THSD7B: variants seen among roughly 807,000 people sequenced by gnomAD.
THSD7B encodes thrombospondin type-1 domain-containing protein 7B.
Under a neutral mutation model 213.6 loss-of-function variants are expected in THSD7B, and 138 were observed. That is an observed-to-expected ratio of 0.65 (90% CI 0.56 to 0.74). The LOEUF is 0.74. THSD7B is among the 30% of genes least tolerant of loss of function. THSD7B has a pLI of 0.00. For synonymous variants in THSD7B, 742 were observed against 687.0 expected (o/e 1.08, Z -1.25); for missense variants, 1,931 against 1,991.5 (o/e 0.97, Z 0.58).
intron 14 of THSD7B, among the ~76,000 whole-genome samples, chr2:137,443,092 G>C (rs1017516831): frequency 6.6e-5 from 10 of 152,152 alleles, no homozygotes; most frequent in African/African-American, 2.4e-4. Context: ...AGATTGTTCT[G>C]TGTCTAGTCT....
At chr2:137,149,468 G>T (rs1679770891) in intron 5 of THSD7B, among the ~76,000 whole-genome samples, 1 of 152,148 alleles carries the variant, frequency 6.6e-6, no homozygotes, top group African/African-American at 2.4e-5. Flanking sequence ...CACTACTTGG[G>T]ACCTAGTGAA....
intron 1 of THSD7B, among the ~76,000 whole-genome samples, chr2:136,864,104 G>T (rs564479304): frequency 6.6e-5 from 10 of 152,234 alleles, no homozygotes; most frequent in Non-Finnish European, 7.4e-5. Flanking sequence ...TTATTTTGCC[G>T]CAGATTATTT....
chr2:137,416,530 A>C (rs1686803644), intron 14 of THSD7B, among the ~76,000 whole-genome samples: 1 of 152,210 alleles, frequency 6.6e-6, no homozygotes, highest in South Asian at 2.1e-4. Context: ...GTTCATTGAA[A>C]TTCATGATTG....
intron 15 of THSD7B, among the ~76,000 whole-genome samples, chr2:137,537,371 G>A (rs538911465): frequency 4.0e-5 from 6 of 151,690 alleles, no homozygotes; most frequent in African/African-American, 1.4e-4. Context: ...AAAGCCAAAC[G>A]TATTCTTCTT....
chr2:137,044,921 G>A (rs1369984224), intron 2 of THSD7B, among the ~76,000 whole-genome samples: 2 of 152,162 alleles, frequency 1.3e-5, no homozygotes, highest in Non-Finnish European at 2.9e-5. Context: ...TGTTTCAGGG[G>A]ATCCCTTGTT....
chr2:137,150,495 TC>T (rs773374574), intron 5 of THSD7B, among the ~76,000 whole-genome samples: 14 of 151,780 alleles, frequency 9.2e-5, no homozygotes, highest in Admixed American at 7.2e-4. Context: ...ATAAGGGGCT[TC>T]CCCCCCTACA....
At chr2:136,803,294 T>C (rs1227054951) in intron 1 of THSD7B, among the ~76,000 whole-genome samples, 1 of 152,104 alleles carries the variant, frequency 6.6e-6, no homozygotes, top group Non-Finnish European at 1.5e-5. Flanking sequence ...AGAACCCCAA[T>C]ATAACTATTG....
intron 7 of THSD7B, among the ~76,000 whole-genome samples, chr2:137,225,428 A>G (rs1332264878): frequency 6.6e-6 from 1 of 152,228 alleles, no homozygotes; most frequent in Non-Finnish European, 1.5e-5. Flanking sequence ...ATCTAAAAGT[A>G]ATGTAAAGAG....
chr2:137,005,065 A>G (rs1420127690), intron 2 of THSD7B, among the ~76,000 whole-genome samples: 1 of 152,252 alleles, frequency 6.6e-6, no homozygotes, highest in Non-Finnish European at 1.5e-5. Context: ...ACTGCTCTGA[A>G]AATTATAATG....
intron 15 of THSD7B, among the ~76,000 whole-genome samples, chr2:137,508,919 C>T (rs1001609518): frequency 1.3e-5 from 2 of 151,994 alleles, no homozygotes. Flanking sequence ...TTTTCTGCCT[C>T]AGGGCACTCT....
chr2:137,485,408 T>C (rs1009045990), intron 15 of THSD7B, among the ~76,000 whole-genome samples: 12 of 152,182 alleles, frequency 7.9e-5, no homozygotes, highest in Non-Finnish European at 1.0e-4. Flanking sequence ...AGTAACATGC[T>C]GTTTTGGTTA....
chr2:137,554,422 A>G (rs1256633253), intron 15 of THSD7B, among the ~76,000 whole-genome samples: 2 of 152,238 alleles, frequency 1.3e-5, no homozygotes, highest in East Asian at 1.9e-4. Context: ...GGTTATGACC[A>G]GAAGCATATG....
At chr2:136,871,269 T>C (rs1479533517) in intron 1 of THSD7B, among the ~76,000 whole-genome samples, 1 of 152,048 alleles carries the variant, frequency 6.6e-6, no homozygotes, top group Non-Finnish European at 1.5e-5. Flanking sequence ...GGGGAATAGA[T>C]ACAGAGAAGT....
In THSD7B at chr2:137,206,781, C is replaced by T. The variant is rs80039591; in HGVS notation, c.1724-24263C>T. Among the ~76,000 whole-genome samples, 544 of 152,068 alleles carry T rather than the reference C, an allele frequency of 3.6e-3. 4 individuals are homozygous for T. The highest frequency in any genetic ancestry group is 0.012 in the African/African-American group (509 of 41,512). ...GTATTAGAGAGTCACTATTCACAGA[C>T]GCATCGTTTGCTGAAGCCCAGTACT... On this transcript the variant is annotated intron_variant, in intron 7 of 27. Transcript: ENST00000409968.
rs57887270 is a variant in THSD7B at position 136,906,936 on chromosome 2, G to GTTTTTTTTTTTTT, written c.139+24636_139+24648dup. ...ATTCATAGATTCCTTACATTTCAAG[G>GTTTTTTTTTTTTT]TTTTTTTTTTTTTTTTTTTTTTTTT... On this transcript the variant is annotated intron_variant, in intron 2 of 27. Transcript: ENST00000409968. Among the ~76,000 whole-genome samples the GTTTTTTTTTTTTT allele has an allele frequency of 1.6e-4, 9 of 55,096 alleles. 1 individual carries two copies. The highest frequency in any genetic ancestry group is 7.1e-4 in the African/African-American group (8 of 11,268). 36.1% of individuals were successfully genotyped at this position (55,096 alleles called of 152,430 possible).
chr2:137,513,673 CTTAT>C (rs1409301488), intron 15 of THSD7B, among the ~76,000 whole-genome samples: 1 of 152,002 alleles, frequency 6.6e-6, no homozygotes, highest in East Asian at 1.9e-4. Context: ...TACTTTCTGT[CTTAT>C]TTAGAGTATC....
chr2:137,005,815 T>A (rs1686095648), intron 2 of THSD7B, among the ~76,000 whole-genome samples: 1 of 152,144 alleles, frequency 6.6e-6, no homozygotes, highest in Non-Finnish European at 1.5e-5. Context: ...TAAAATAAAA[T>A]AAAAAATAAT....
At chr2:137,226,583 A>C (rs1428001678) in intron 7 of THSD7B, among the ~76,000 whole-genome samples, 1 of 151,796 alleles carries the variant, frequency 6.6e-6, no homozygotes, top group Non-Finnish European at 1.5e-5. Flanking sequence ...TGTCGTGTCC[A>C]AGTGCTTTTG....
chr2:137,195,251 TACAC>T (rs1553478049), intron 7 of THSD7B, among the ~76,000 whole-genome samples: 4 of 150,008 alleles, frequency 2.7e-5, no homozygotes, highest in African/African-American at 4.9e-5. Flanking sequence ...TATATATATA[TACAC>T]ACACACACAC....
Sources: allele counts gnomAD v4.1 joint callset (sites outside exome capture counted in the v4.1 genomes callset), GRCh38; gene constraint gnomAD v4.1.1; transcripts MANE v1.5; gene names NCBI Gene and HGNC (gene_info 2026-07-23, HGNC 2026-07-21).